The following FAT3 variants were observed in gnomAD, a reference collection of about 807,000 sequenced individuals.
FAT3 encodes protocadherin Fat 3.
A neutral mutation model predicts 310.2 loss-of-function variants in FAT3; 95 were observed. That is an observed-to-expected ratio of 0.31 (90% CI 0.26 to 0.36). The LOEUF (loss-of-function observed/expected upper bound fraction) is 0.36. FAT3 is among the 10% of genes least tolerant of loss of function. FAT3 has a pLI of 1.00. For missense variants in FAT3, 5,408 were observed against 5,715.6 expected (o/e 0.95, Z 1.74); for synonymous variants, 2,314 against 2,192.9 (o/e 1.06, Z -1.54).
chr11:92,765,151 A>G, intron 6 of FAT3, 62 bp downstream of exon 6: 1 of 1,045,930 alleles, frequency 9.6e-7, no homozygotes, highest in South Asian at 2.3e-5. Flanking sequence ...GCAACTAGGA[A>G]AAAAAAAAAA....
intron 13 of FAT3, among the ~76,000 whole-genome samples, chr11:92,823,517 G>C (rs1349324756): frequency 6.6e-6 from 1 of 152,152 alleles, no homozygotes; most frequent in African/African-American, 2.4e-5. Context: ...CTTCTGGCTT[G>C]TGTTGAGTGT....
At chr11:92,340,328 C>G (rs988005336) in intron 1 of FAT3, among the ~76,000 whole-genome samples, 1 of 151,946 alleles carries the variant, frequency 6.6e-6, no homozygotes, top group African/African-American at 2.4e-5. Context: ...GACTGGTAAG[C>G]GGCTTAAGGC....
chr11:92,823,843 T>G (rs1051247503), intron 13 of FAT3, among the ~76,000 whole-genome samples: 24 of 152,182 alleles, frequency 1.6e-4, no homozygotes, highest in Admixed American at 4.6e-4. Context: ...GGAGTCTATT[T>G]AAAATTAATT....
At chr11:92,229,510 T>TTC (rs1555062596) in intron 1 of FAT3, among the ~76,000 whole-genome samples, 2 of 77,140 alleles carry the variant, frequency 2.6e-5, no homozygotes, top group African/African-American at 8.0e-5. Context: ...TTTTTTTGTT[T>TTC]TTTGTTTTTT....
At chr11:92,754,382 T>C (rs1218836588) in intron 4 of FAT3, among the ~76,000 whole-genome samples, 2 of 151,548 alleles carry the variant, frequency 1.3e-5, no homozygotes, top group East Asian at 3.9e-4. Flanking sequence ...TACCAGCAGT[T>C]TGGGAGGCCG....
intron 2 of FAT3, among the ~76,000 whole-genome samples, chr11:92,462,494 A>C (rs528613247): frequency 2.0e-5 from 3 of 152,302 alleles, no homozygotes; most frequent in Admixed American, 1.3e-4. Flanking sequence ...AATTTTATCT[A>C]AAGTTTTAAG....
intron 3 of FAT3, among the ~76,000 whole-genome samples, chr11:92,638,868 G>A (rs1033382387): frequency 6.6e-6 from 1 of 152,094 alleles, no homozygotes; most frequent in African/African-American, 2.4e-5. Flanking sequence ...TATTAGTCAT[G>A]TTTCAGACTA....
Position 92,348,453 on chromosome 11 carries a change from T to C in FAT3, c.-17-3643T>C, listed in dbSNP as rs144796660. Among the ~76,000 whole-genome samples, 434 of 152,322 alleles carry C rather than the reference T, an allele frequency of 2.8e-3. 1 individual carries two copies. Among genetic ancestry groups the C allele is most frequent in the African/African-American group, 9.8e-3 (406 of 41,576 alleles). ...CATATTATGATAGCATTCTTTGCCT[T>C]GAAAGATTCACAGAAAGATTTGTAA... On this transcript the variant is annotated intron_variant, in intron 1 of 27. Transcript: ENST00000525166.
intron 2 of FAT3, among the ~76,000 whole-genome samples, chr11:92,421,418 T>C (rs1950530727): frequency 6.6e-6 from 1 of 152,228 alleles, no homozygotes; most frequent in Non-Finnish European, 1.5e-5. Flanking sequence ...TAAATATCTA[T>C]TGAGCCTCTT....
chr11:92,565,885 C>T (rs1007846908), intron 3 of FAT3, among the ~76,000 whole-genome samples: 12 of 152,056 alleles, frequency 7.9e-5, no homozygotes, highest in African/African-American at 2.7e-4. Context: ...TGGGACGTAT[C>T]TCAAAATAAT....
chr11:92,383,365 T>C (rs1484383712), intron 2 of FAT3, among the ~76,000 whole-genome samples: 1 of 152,248 alleles, frequency 6.6e-6, no homozygotes, highest in African/African-American at 2.4e-5. Flanking sequence ...GTAATGGGAC[T>C]GCTGGGTCAG....
intron 2 of FAT3, chr11:92,366,868 G>T (rs945708911): frequency 1.5e-5 from 8 of 534,308 alleles, no homozygotes; most frequent in African/African-American, 1.3e-4. Flanking sequence ...AAGGATGGTT[G>T]GGCTTCATTA....
At chr11:92,423,797 C>T (rs909834348) in intron 2 of FAT3, among the ~76,000 whole-genome samples, 3 of 152,144 alleles carry the variant, frequency 2.0e-5, no homozygotes, top group African/African-American at 7.2e-5. Flanking sequence ...CTTGAGGATT[C>T]CTTCTTCTTT....
intron 2 of FAT3, among the ~76,000 whole-genome samples, chr11:92,508,325 G>T (rs1180553841): frequency 1.3e-5 from 2 of 152,020 alleles, no homozygotes; most frequent in African/African-American, 4.8e-5. Flanking sequence ...CTTGAGAAAA[G>T]AATAAGTGAG....
rs761455835 is a variant in FAT3 at position 92,352,628 on chromosome 11, T to C, written c.516T>C (p.Pro172=). 2 of 1,613,714 alleles carry C rather than the reference T, an allele frequency of 1.2e-6. No homozygotes were observed. The highest frequency in any genetic ancestry group is 1.7e-5 in the Admixed American group (1 of 59,922). Residue 172 remains proline (P), a synonymous_variant, in exon 2 of 28, where the codon CCT becomes CCC. Transcript: ENST00000525166. The part of the protein sequence containing the change: ...TYSVTIAEST[P]LRTSVAQVTA... ...CTGTTACCATAGCAGAAAGCACACC[T>C]CTAAGGACTAGTGTTGCCCAGGTGA...
chr11:92,613,941 T>C (rs192858801), intron 3 of FAT3, among the ~76,000 whole-genome samples: 39 of 152,300 alleles, frequency 2.6e-4, no homozygotes, highest in Admixed American at 2.6e-4. Flanking sequence ...CATATGTCTA[T>C]TTTCTGTCTC....
chr11:92,341,536 A>G (rs563781097), intron 1 of FAT3, among the ~76,000 whole-genome samples: 2 of 152,358 alleles, frequency 1.3e-5, no homozygotes, highest in Admixed American at 6.5e-5. Flanking sequence ...CAGTGATGGT[A>G]ATATCAGGAG....
intron 3 of FAT3, among the ~76,000 whole-genome samples, chr11:92,603,698 G>A (rs920770129): frequency 1.3e-5 from 2 of 152,194 alleles, no homozygotes; most frequent in Non-Finnish European, 2.9e-5. Flanking sequence ...TTTGTATAGA[G>A]TAGGTGTCTA....
At chr11:92,525,392 A>G (rs553848839) in intron 3 of FAT3, among the ~76,000 whole-genome samples, 1 of 152,206 alleles carries the variant, frequency 6.6e-6, no homozygotes, top group East Asian at 1.9e-4. Flanking sequence ...TTCCTGTACT[A>G]CCCATCAAGG....
Sources: allele counts gnomAD v4.1 joint callset (sites outside exome capture counted in the v4.1 genomes callset), GRCh38; gene constraint gnomAD v4.1.1; transcripts MANE v1.5; gene names NCBI Gene and HGNC (gene_info 2026-07-23, HGNC 2026-07-21).